The following RREB1 variants were observed in gnomAD, a reference collection of about 807,000 sequenced individuals.
The protein encoded by RREB1 is ras responsive element binding protein 1.
RREB1 carries 27 observed loss-of-function variants against 117.8 expected under a neutral mutation model. The ratio of observed to expected loss-of-function variants is 0.23; its 90% confidence interval spans 0.17 to 0.32. The LOEUF (loss-of-function observed/expected upper bound fraction) is 0.32, where lower values mean the gene tolerates loss of function less well. Among genes scored for constraint, RREB1 ranks in the 10% least tolerant of loss-of-function variants. The pLI is 1.00. For missense variants in RREB1, 2,577 were observed against 2,378.2 expected (o/e 1.08, Z -1.74); for synonymous variants, 1,298 against 1,026.7 (o/e 1.26, Z -5.05).
intron 8 of RREB1, chr6:7,215,712 A>C (rs1293056680): frequency 6.6e-6 from 1 of 152,266 alleles, no homozygotes; most frequent in Non-Finnish European, 1.5e-5. Context: ...TACCAGTATC[A>C]TCAAAATATA....
At chr6:7,206,107 G>A (rs1215009234) in intron 6 of RREB1, among the ~76,000 whole-genome samples, 1 of 152,222 alleles carries the variant, frequency 6.6e-6, no homozygotes, top group Non-Finnish European at 1.5e-5. Context: ...AAAGTGTCAT[G>A]CTTCCAAAAG....
intron 8 of RREB1, among the ~76,000 whole-genome samples, chr6:7,222,421 T>C (rs925104582): frequency 1.3e-5 from 2 of 152,120 alleles, no homozygotes; most frequent in African/African-American, 4.8e-5. Context: ...CAATCTGAAC[T>C]CCCTGATCCC....
rs1375762510 is a variant in RREB1, at chr6:7,246,443, G to C, written c.3993G>C (p.Glu1331Asp). 3 of 1,496,738 alleles carry C rather than the reference G, an allele frequency of 2.0e-6. No homozygotes were observed. The highest frequency in any genetic ancestry group is 2.6e-5 in the South Asian group (2 of 77,596). The allele number at this position is 1,496,738 out of a possible 1,614,324, so 92.7% of individuals were successfully genotyped here. A position where few individuals can be genotyped will look rare whatever the true frequency, so the allele number is the denominator to read the frequency against. The change falls in exon 12 of 13, where the codon GAG (glutamate) becomes GAC (aspartate). Residue 1331 changes from glutamate (E) to aspartate (D), a missense_variant. By Grantham distance (45) the Glu-to-Asp change is conservative (BLOSUM62 2). Coordinates refer to ENST00000379938, the MANE Select transcript of RREB1 (RefSeq NM_001003699.4). ...HDSTDSQSDA[E>D]TAAAAGEVLD... ...CCACAGACAGTCAGTCGGATGCGGAGACTGCAGCCGCCGCGGGCGAAGTGC... is the reference window on the plus strand; with the variant it reads ...CCACAGACAGTCAGTCGGATGCGGACACTGCAGCCGCCGCGGGCGAAGTGC...
chr6:7,130,775 C>T (rs943858680), intron 1 of RREB1, among the ~76,000 whole-genome samples: 17 of 151,900 alleles, frequency 1.1e-4, no homozygotes, highest in Non-Finnish European at 2.9e-5. Context: ...TGCCACCACA[C>T]CCAGCTAACT....
chr6:7,240,281 A>T lies in RREB1; in HGVS notation c.3809-157A>T, dbSNP rs370747645. 3.3e-5 allele frequency among the ~76,000 whole-genome samples: 5 copies of T among 150,070 alleles called. No homozygotes were observed. In the East Asian group the frequency reaches 7.9e-4, roughly 24 times the overall value. ...GGGAGAATGATCATTTTAGTCATTG[A>T]TGGTTTTTTTTTTTCTAATGTGTTT... On this transcript the variant is annotated intron_variant, in intron 10 of 12. Coordinates refer to ENST00000379938, the MANE Select transcript of RREB1 (RefSeq NM_001003699.4).
Position 7,231,683 on chromosome 6 carries a change from C to A in RREB1, c.3584C>A (p.Pro1195Gln), listed in dbSNP as rs745990582. Reference protein sequence around the residue: ...LATTDTNKFSPFLQTAEDNTQ... With the variant: ...LATTDTNKFSQFLQTAEDNTQ... ...ACCACAGACACCAACAAGTTCAGTC[C>A]GTTTCTGCAGACAGCGGAGGACAAC... is the stretch of plus-strand genomic sequence containing the variant. Residue 1195 changes from proline (P) to glutamine (Q), a missense_variant, in exon 10 of 13, where the codon CCG becomes CAG. Coordinates refer to ENST00000379938, the MANE Select transcript of RREB1 (RefSeq NM_001003699.4). 6.2e-7 allele frequency: 1 copy of A among 1,611,966 alleles called. No individual in the cohort carries two copies. The highest frequency in any genetic ancestry group is 8.5e-7 in the Non-Finnish European group (1 of 1,178,646).
intron 1 of RREB1, among the ~76,000 whole-genome samples, chr6:7,169,741 T>C (rs1299330201): frequency 6.6e-6 from 1 of 152,230 alleles, no homozygotes; most frequent in African/African-American, 2.4e-5. Flanking sequence ...TCACTGGGAC[T>C]GTGCCCCATT....
At chr6:7,119,838 A>G (rs1170050911) in intron 1 of RREB1, among the ~76,000 whole-genome samples, 1 of 152,208 alleles carries the variant, frequency 6.6e-6, no homozygotes, top group Non-Finnish European at 1.5e-5. Flanking sequence ...TGTCAGTTAG[A>G]ACGCTAGTTT....
At position 7,211,024 on chromosome 6, in the gene RREB1, A is replaced by G. The variant is rs967182548; in HGVS notation, c.570+76A>G. The G allele has an allele frequency of 1.7e-5, 24 of 1,436,448 alleles. 1 individual carries two copies. In the Middle Eastern group the frequency reaches 1.1e-3, roughly 63 times the overall value. 89.0% of individuals were successfully genotyped at this position (1,436,448 alleles called of 1,614,324 possible). A position where few individuals can be genotyped will look rare whatever the true frequency, so the allele number is the denominator to read the frequency against. On this transcript the variant is annotated intron_variant, in intron 7 of 12. Transcript: ENST00000379938. ...AAATACCACTAATCTTTATTTTCTC[A>G]GTGTGGAGACTTGGCAGACATACAT...
intron 1 of RREB1, among the ~76,000 whole-genome samples, chr6:7,143,645 C>CT (rs923590691): frequency 3.9e-5 from 6 of 151,916 alleles, no homozygotes; most frequent in Admixed American, 1.3e-4. Flanking sequence ...GAATTCAGTC[C>CT]TTTTTTTTCA....
At chr6:7,144,546 A>C (rs1030758105) in intron 1 of RREB1, among the ~76,000 whole-genome samples, 7 of 151,862 alleles carry the variant, frequency 4.6e-5, no homozygotes, top group Non-Finnish European at 7.4e-5. Flanking sequence ...TTTCTCACAT[A>C]GACATTCTTT....
chr6:7,203,505 T>C (rs1766103168), intron 6 of RREB1, among the ~76,000 whole-genome samples: 1 of 152,142 alleles, frequency 6.6e-6, no homozygotes, highest in African/African-American at 2.4e-5. Flanking sequence ...CCAAGGAACC[T>C]GAGGTAGGAG....
chr6:7,181,463 C>A, intron 3 of RREB1: 1 of 416,898 alleles, frequency 2.4e-6, no homozygotes, highest in Non-Finnish European at 4.2e-6. Flanking sequence ...TGTTTCTCAT[C>A]ACTAGTTTTA....
chr6:7,234,361 G>A (rs1051295172), intron 10 of RREB1, among the ~76,000 whole-genome samples: 10 of 152,000 alleles, frequency 6.6e-5, no homozygotes, highest in Middle Eastern at 3.4e-3. Context: ...CCCCTTCCTC[G>A]GTGCTCCCAC....
rs1438878921 is a variant in RREB1, at chr6:7,231,159, C to T, written c.3060C>T (p.Ser1020=). The part of the protein sequence containing the change: ...GPVQLAVPIY[S]SALVSSPPLV... ...TTCAGCTGGCGGTCCCAATCTACTC[C>T]TCAGCCCTGGTCAGCAGCCCTCCAC... Residue 1020 remains serine (S), a synonymous_variant, in exon 10 of 13, where the codon TCC becomes TCT. Coordinates refer to ENST00000379938, the MANE Select transcript of RREB1 (RefSeq NM_001003699.4). 2 of 1,612,286 alleles carry T rather than the reference C, an allele frequency of 1.2e-6. No homozygotes were observed. Among genetic ancestry groups the T allele is most frequent in the Non-Finnish European group, 1.7e-6 (2 of 1,179,692 alleles).
chr6:7,110,909 G>A (rs1009811400), intron 1 of RREB1, among the ~76,000 whole-genome samples: 10 of 152,222 alleles, frequency 6.6e-5, no homozygotes, highest in Admixed American at 1.3e-4. Flanking sequence ...CAGAAAATCA[G>A]ACTCTAAGCC....
intron 10 of RREB1, among the ~76,000 whole-genome samples, chr6:7,237,683 T>C (rs901697042): frequency 1.3e-5 from 2 of 152,226 alleles, no homozygotes; most frequent in African/African-American, 2.4e-5. Flanking sequence ...TGCTACTTTC[T>C]ATATAGATGG....
At chr6:7,187,906 A>G (rs1765168899) in intron 5 of RREB1, among the ~76,000 whole-genome samples, 1 of 152,184 alleles carries the variant, frequency 6.6e-6, no homozygotes, top group Admixed American at 6.5e-5. Context: ...CTGTAACCAC[A>G]ACACTTTGGG....
chr6:7,187,659 G>C, intron 5 of RREB1, 136 bp downstream of exon 5: 1 of 370,282 alleles, frequency 2.7e-6, no homozygotes, highest in Non-Finnish European at 4.5e-6. Context: ...TGAGCAATCA[G>C]TTGAGATAAC....
Sources: gnomAD v4.1 joint callset for allele counts (sites outside exome capture counted in the v4.1 genomes callset) on GRCh38, gnomAD v4.1.1 for gene constraint, MANE v1.5 for transcripts, NCBI Gene and HGNC (gene_info 2026-07-23, HGNC 2026-07-21) for gene names.